PRKCH: variants seen among roughly 807,000 people sequenced by gnomAD.
PRKCH encodes protein kinase C eta, also known as protein kinase C eta type.
A neutral mutation model predicts 82.5 loss-of-function variants in PRKCH; 28 were observed. The ratio of observed to expected loss-of-function variants is 0.34; its 90% CI spans 0.25 to 0.47. The LOEUF (loss-of-function observed/expected upper bound fraction) is 0.47, where lower values mean the gene tolerates loss of function less well. PRKCH is among the 20% of genes least tolerant of loss of function. The pLI is 1.00. For synonymous variants in PRKCH, 322 were observed against 327.4 expected (o/e 0.98, Z 0.18); for missense variants, 705 against 881.8 (o/e 0.80, Z 2.54).
At chr14:61,253,984 TC>T (rs1315888348) in intron 1 of PRKCH, among the ~76,000 whole-genome samples, 4 of 36,638 alleles carry the variant, frequency 1.1e-4, no homozygotes, top group Admixed American at 3.6e-4. Context: ...CCCTCCTCCC[TC>T]CCTCCCTCCC....
intron 1 of PRKCH, among the ~76,000 whole-genome samples, chr14:61,362,507 C>A (rs892339145): frequency 1.3e-5 from 2 of 152,148 alleles, no homozygotes; most frequent in Non-Finnish European, 2.9e-5. Context: ...AATAACAAAT[C>A]CATCATCCAG....
At chr14:61,459,856 C>T (rs994059643) in intron 9 of PRKCH, among the ~76,000 whole-genome samples, 23 of 151,990 alleles carry the variant, frequency 1.5e-4, no homozygotes, top group African/African-American at 5.3e-4. Flanking sequence ...TTTAATTAAT[C>T]TATTTTTTGA....
Position 61,256,237 on chromosome 14 carries a change from TA to T in PRKCH, c.-19+68572del, listed in dbSNP as rs377472031. Among the ~76,000 whole-genome samples, 1,386 of 152,366 alleles carry T rather than the reference TA, an allele frequency of 9.1e-3. 12 individuals carry two copies. Among genetic ancestry groups the T allele is most frequent in the Middle Eastern group, 0.024 (7 of 294 alleles). On this transcript the variant is annotated intron_variant, in intron 1 of 3. Coordinates refer to the PRKCH transcript ENST00000555185. Reference sequence around the variant, plus strand: ...AGATAAAAGCTGACCAGGAATGCATTAAATTGGCTCCCAAATGAATCATACA... The same window carrying T: ...AGATAAAAGCTGACCAGGAATGCATTAATTGGCTCCCAAATGAATCATACA...
chr14:61,430,952 C>T (rs1250004382), intron 2 of PRKCH, among the ~76,000 whole-genome samples: 3 of 152,138 alleles, frequency 2.0e-5, no homozygotes, highest in Admixed American at 6.5e-5. Flanking sequence ...GATGGGGTTT[C>T]GCCATGTTGG....
At chr14:61,253,985 C>T (rs147277902) in intron 1 of PRKCH, among the ~76,000 whole-genome samples, 75 of 94,280 alleles carry the variant, frequency 8.0e-4, no homozygotes, top group Middle Eastern at 0.012. Context: ...CCTCCTCCCT[C>T]CCTCCCTCCC....
chr14:61,513,545 A>T (rs2042778158), intron 10 of PRKCH, among the ~76,000 whole-genome samples: 1 of 152,182 alleles, frequency 6.6e-6, no homozygotes, highest in Non-Finnish European at 1.5e-5. Context: ...ATCTGTGGTG[A>T]TAAATCAATG....
intron 1 of PRKCH, among the ~76,000 whole-genome samples, chr14:61,246,427 T>C (rs1463874257): frequency 7.2e-6 from 1 of 138,358 alleles, no homozygotes; most frequent in Non-Finnish European, 1.6e-5. Flanking sequence ...AAAAAAAGAA[T>C]TTTCTTATTA....
At chr14:61,277,670 AC>A (rs761084980) in intron 1 of PRKCH, 5 of 152,178 alleles carry the variant, frequency 3.3e-5, no homozygotes, top group Non-Finnish European at 5.9e-5. Flanking sequence ...AATGCAGAAG[AC>A]TACTACAAAA....
chr14:61,469,902 C>T (rs3783790), intron 9 of PRKCH, among the ~76,000 whole-genome samples: 20,403 of 151,822 alleles, frequency 0.13, 2,954 homozygotes, highest in African/African-American at 0.37. Flanking sequence ...GCCTTGAGGA[C>T]GCAGCAGTGA....
At chr14:61,495,711 C>T (rs981589441) in intron 10 of PRKCH, among the ~76,000 whole-genome samples, 1 of 152,110 alleles carries the variant, frequency 6.6e-6, no homozygotes, top group Non-Finnish European at 1.5e-5. Context: ...GTGTACCAGA[C>T]GCTACTGTGA....
At chr14:61,504,766 G>A (rs569107166) in intron 10 of PRKCH, among the ~76,000 whole-genome samples, 83 of 152,238 alleles carry the variant, frequency 5.5e-4, no homozygotes, top group Non-Finnish European at 1.0e-3. Flanking sequence ...CACACTGGGG[G>A]AAATTGCCTT....
rs779645970 is a variant in PRKCH at position 61,530,994 on chromosome 14, A to G, written c.1761+399A>G. On this transcript the variant is annotated intron_variant, in intron 12 of 13. Transcript: ENST00000332981. ...AATTGTGTTTCTGTTGGCATCTTCA[A>G]GTTGCAGGATGAAGCGGTCGGGTCT... Among the ~76,000 whole-genome samples the G allele has an allele frequency of 7.9e-5, 12 of 152,214 alleles. No homozygotes were observed. The East Asian group carries it at 1.7e-3, about 22-fold the overall frequency.
intron 12 of PRKCH, among the ~76,000 whole-genome samples, chr14:61,538,902 G>A (rs12586195): frequency 0.03 from 4,619 of 152,304 alleles, 125 homozygotes; most frequent in Admixed American, 0.089. Flanking sequence ...AAAGGACATT[G>A]TATAGTCCCC....
intron 1 of PRKCH, chr14:61,353,926 G>C (rs1466217669): frequency 6.6e-6 from 1 of 152,158 alleles, no homozygotes; most frequent in Non-Finnish European, 1.5e-5. Context: ...AACAGAGTGA[G>C]ACCCTACCTC....
intron 12 of PRKCH, among the ~76,000 whole-genome samples, chr14:61,536,432 T>C (rs1157064889): frequency 6.6e-6 from 1 of 152,138 alleles, no homozygotes; most frequent in Non-Finnish European, 1.5e-5. Flanking sequence ...GATCTGCCCT[T>C]TCCCCCTGAG....
intron 9 of PRKCH, among the ~76,000 whole-genome samples, chr14:61,483,786 G>A (rs1886087438): frequency 6.6e-6 from 1 of 152,192 alleles, no homozygotes; most frequent in African/African-American, 2.4e-5. Flanking sequence ...GGTAGCTCAT[G>A]CCTGTAATCC....
At chr14:61,388,135 G>A (rs1439805115) in intron 1 of PRKCH, among the ~76,000 whole-genome samples, 1 of 137,690 alleles carries the variant, frequency 7.3e-6, no homozygotes, top group Non-Finnish European at 1.5e-5. Context: ...GTGACAGAGC[G>A]AGACTCTGTC....
intron 12 of PRKCH, among the ~76,000 whole-genome samples, chr14:61,544,845 G>C (rs958219506): frequency 6.6e-6 from 1 of 152,136 alleles, no homozygotes; most frequent in African/African-American, 2.4e-5. Context: ...TGTGATCTTG[G>C]ACTCTTCACT....
At chr14:61,234,222 G>T (rs1449145230) in intron 1 of PRKCH, among the ~76,000 whole-genome samples, 3 of 152,104 alleles carry the variant, frequency 2.0e-5, no homozygotes, top group Admixed American at 6.5e-5. Flanking sequence ...TTTGACATAA[G>T]GTTGAAAAAC....
Sources: allele counts gnomAD v4.1 joint callset (sites outside exome capture counted in the v4.1 genomes callset), GRCh38; gene constraint gnomAD v4.1.1; transcripts MANE v1.5; gene names NCBI Gene and HGNC (gene_info 2026-07-23, HGNC 2026-07-21).